Variants in ZBBX observed in about 807,000 individuals in gnomAD.
ZBBX encodes zinc finger B-box domain-containing protein 1.
In ZBBX, 101 loss-of-function variants were observed where a neutral mutation model predicts 108.5. That is an observed-to-expected ratio of 0.93 (90% CI 0.79 to 1.10). The LOEUF is 1.10. Among genes scored for constraint, ZBBX ranks in the 50% least tolerant of loss-of-function variants. ZBBX has a pLI of 0.00. For synonymous variants in ZBBX, 356 were observed against 323.4 expected, an observed-to-expected ratio of 1.10 and a Z score of -1.08; for missense variants, 1,009 against 941.4, an observed-to-expected ratio of 1.07 and a Z score of -0.94.
chr3:167,207,914 G>T, the ZBBX span, among the ~76,000 whole-genome samples: 1 of 152,164 alleles, frequency 6.6e-6, no homozygotes. Flanking sequence ...AGGGACAGAA[G>T]TGGGTAGGAA....
intron 9 of ZBBX, among the ~76,000 whole-genome samples, chr3:167,337,412 G>A (rs371652328): frequency 6.6e-5 from 10 of 152,004 alleles, no homozygotes; most frequent in East Asian, 1.9e-4. Flanking sequence ...TCAGCTATTC[G>A]GGAGGATGAG....
At chr3:167,350,946 G>C (rs1038799031) in intron 8 of ZBBX, among the ~76,000 whole-genome samples, 1 of 151,794 alleles carries the variant, frequency 6.6e-6, no homozygotes, top group African/African-American at 2.4e-5. Context: ...TTTCTGTATG[G>C]ATTTACATGA....
chr3:167,182,804 C>G, the ZBBX span, among the ~76,000 whole-genome samples: 2 of 151,506 alleles, frequency 1.3e-5, no homozygotes, highest in African/African-American at 2.4e-5. Context: ...TACAAAAGGA[C>G]TGTTGGTCCA....
chr3:167,248,660 A>G (rs757468669), intron 20 of ZBBX: 13 of 456,534 alleles, frequency 2.8e-5, no homozygotes, highest in Non-Finnish European at 5.7e-5. Context: ...CTAGAAAGAA[A>G]AACAAGGTTT....
intron 1 of ZBBX, chr3:167,401,330 G>T (rs1748418217): frequency 6.6e-6 from 1 of 152,090 alleles, no homozygotes; most frequent in Non-Finnish European, 1.5e-5. Flanking sequence ...AGCTCTTATT[G>T]TTGCAGGAAA....
the ZBBX span, among the ~76,000 whole-genome samples, chr3:167,223,031 G>A: frequency 3.9e-5 from 6 of 152,040 alleles, no homozygotes; most frequent in African/African-American, 1.4e-4. Context: ...TGCATGTCAC[G>A]TAATATCATA....
the ZBBX span, among the ~76,000 whole-genome samples, chr3:167,182,899 G>T: frequency 6.7e-6 from 1 of 149,352 alleles, no homozygotes; most frequent in South Asian, 2.2e-4. Flanking sequence ...CTGTTGATCT[G>T]GGGGGTGTAT....
the ZBBX span, among the ~76,000 whole-genome samples, chr3:167,213,260 G>T: frequency 6.6e-6 from 1 of 152,186 alleles, no homozygotes; most frequent in Non-Finnish European, 1.5e-5. Flanking sequence ...GATTCAGGAA[G>T]ATGGCAAAAC....
At chr3:167,318,031 G>T (rs1426061550) in intron 12 of ZBBX, among the ~76,000 whole-genome samples, 2 of 151,968 alleles carry the variant, frequency 1.3e-5, no homozygotes, top group African/African-American at 4.8e-5. Context: ...TACCAGCAGG[G>T]TGGTAACATA....
At chr3:167,393,156 T>C (rs549659443) in intron 1 of ZBBX, among the ~76,000 whole-genome samples, 75 of 151,968 alleles carry the variant, frequency 4.9e-4, no homozygotes, top group African/African-American at 1.7e-3. Flanking sequence ...ATTACATTTT[T>C]CAGCCTCCCT....
the ZBBX span, among the ~76,000 whole-genome samples, chr3:167,208,517 C>T: frequency 5.3e-5 from 8 of 152,314 alleles, no homozygotes; most frequent in East Asian, 1.5e-3. Context: ...TGCAGGCCCT[C>T]ATTCCAGGCC....
intron 20 of ZBBX, among the ~76,000 whole-genome samples, chr3:167,249,061 A>G (rs1045402911): frequency 3.3e-5 from 5 of 152,206 alleles, no homozygotes; most frequent in Admixed American, 3.3e-4. Flanking sequence ...CGCTCAGCCT[A>G]TACTCCTCTG....
At chr3:167,334,016 G>T in intron 9 of ZBBX, 31 bp from the exon 10 acceptor site, 2 of 1,417,280 alleles carry the variant, frequency 1.4e-6, no homozygotes, top group South Asian at 1.6e-5. Flanking sequence ...TAATTAAAGC[G>T]CCTCATATGT....
the ZBBX span, among the ~76,000 whole-genome samples, chr3:167,195,007 C>T: frequency 5.3e-5 from 8 of 152,264 alleles, no homozygotes; most frequent in East Asian, 3.9e-4. Context: ...CCACGAGAAA[C>T]GTCAGCAAGC....
At chr3:167,390,713 G>T (rs60548148) in intron 1 of ZBBX, among the ~76,000 whole-genome samples, 42,682 of 151,820 alleles carry the variant, frequency 0.28, 6,159 homozygotes, top group South Asian at 0.32. Flanking sequence ...CACATCCCCT[G>T]TAAGTCGTAT....
chr3:167,234,925 T>G (rs1044096325), downstream of ZBBX, among the ~76,000 whole-genome samples: 3 of 151,748 alleles, frequency 2.0e-5, no homozygotes, highest in Non-Finnish European at 4.4e-5. Flanking sequence ...TCTTCCCACT[T>G]CTTCCTTCTT....
At chr3:167,267,744 T>C (rs1457996554) in intron 20 of ZBBX, among the ~76,000 whole-genome samples, 2 of 152,108 alleles carry the variant, frequency 1.3e-5, no homozygotes, top group African/African-American at 2.4e-5. Context: ...CAGGGACCTG[T>C]TCTCCTCTAT....
the ZBBX span, among the ~76,000 whole-genome samples, chr3:167,189,480 C>CA: frequency 6.6e-6 from 1 of 152,102 alleles, no homozygotes; most frequent in Non-Finnish European, 1.5e-5. Flanking sequence ...GACATGCACA[C>CA]ACTCATGTGT....
intron 10 of ZBBX, among the ~76,000 whole-genome samples, chr3:167,333,272 G>C (rs1159572712): frequency 6.6e-6 from 1 of 151,966 alleles, no homozygotes; most frequent in Non-Finnish European, 1.5e-5. Context: ...TTATAACATA[G>C]ATCAAAATTT....
Sources: allele counts gnomAD v4.1 joint callset (sites outside exome capture counted in the v4.1 genomes callset), GRCh38; gene constraint gnomAD v4.1.1; transcripts MANE v1.5; gene names NCBI Gene and HGNC (gene_info 2026-07-23, HGNC 2026-07-21).